Variants in VPS45 observed in about 807,000 individuals in gnomAD.
VPS45 encodes vacuolar protein sorting-associated protein 45.
Under a neutral mutation model 75.9 loss-of-function variants are expected in VPS45, and 35 were observed. The observed-to-expected ratio is 0.46, with a 90% CI of 0.35 to 0.61. VPS45 has a LOEUF of 0.61. Ranked by LOEUF, VPS45 falls within the 20% of genes least tolerant of loss-of-function variation. The pLI is 0.00. For synonymous variants in VPS45, 220 were observed against 238.2 expected, an observed-to-expected ratio of 0.92 and a Z score of 0.70; for missense variants, 559 against 685.9, an observed-to-expected ratio of 0.81 and a Z score of 2.07.
In VPS45 at chr1:150,093,627, GC is replaced by G; in HGVS notation, c.1476del (p.Ser493AlafsTer14). The G allele has an allele frequency of 1.2e-6, 2 of 1,612,658 alleles. No homozygotes were observed. The highest frequency in any genetic ancestry group is 1.1e-5 in the South Asian group (1 of 90,952). The stretch of plus-strand genomic sequence containing the variant: ...AAGGAAAACCTATATCCTTATTTAG[GC>G]CCCAGCACACTCAGAGACAGGTAAG... ...RLKENLYPYLGPSTLRDRPQD... is the reference protein window; with the variant it reads ...RLKENLYPYLXPSTLRDRPQD... On this transcript the variant is annotated frameshift_variant, in exon 13 of 15. Coordinates refer to ENST00000644510, the MANE Select transcript of VPS45 (RefSeq NM_007259.5). LOFTEE classifies it high-confidence loss of function.
At chr1:150,068,063 G>A (rs1654824838) in intron 1 of VPS45, 113 bp downstream of exon 1, 1 of 1,151,388 alleles carries the variant, frequency 8.7e-7, no homozygotes, top group Non-Finnish European at 1.2e-6. Flanking sequence ...ATGAGGGTCG[G>A]TTTGTGTGGA....
intron 13 of VPS45, among the ~76,000 whole-genome samples, chr1:150,097,216 G>T (rs1656710497): frequency 6.6e-6 from 1 of 151,286 alleles, no homozygotes; most frequent in Non-Finnish European, 1.5e-5. Context: ...CTCCTGAGTA[G>T]CTGGGATTAC....
At chr1:150,122,904 C>CAGG (rs1553809936) in intron 14 of VPS45, among the ~76,000 whole-genome samples, 1 of 146,158 alleles carries the variant, frequency 6.8e-6, no homozygotes, top group Non-Finnish European at 1.5e-5. Context: ...GGGGCTGAGG[C>CAGG]AGGAGAATTG....
At chr1:150,082,583 A>T in intron 9 of VPS45, 133 bp from the exon 10 acceptor site, 2 of 1,079,348 alleles carry the variant, frequency 1.9e-6, no homozygotes, top group Admixed American at 2.4e-5. Flanking sequence ...ACAAAATGCC[A>T]TGTGGCTGAA....
intron 14 of VPS45, among the ~76,000 whole-genome samples, chr1:150,139,656 T>C (rs1385338116): frequency 3.9e-5 from 6 of 152,156 alleles, no homozygotes; most frequent in African/African-American, 7.2e-5. Flanking sequence ...CATGCTCAAG[T>C]GATCTTTCCA....
intron 14 of VPS45, among the ~76,000 whole-genome samples, chr1:150,111,414 T>C (rs1484234518): frequency 6.6e-6 from 1 of 152,190 alleles, no homozygotes; most frequent in Non-Finnish European, 1.5e-5. Context: ...AAAGGATGAT[T>C]GAATGCCATC....
At chr1:150,144,249 G>A (rs56219570) in intron 14 of VPS45, among the ~76,000 whole-genome samples, 3,276 of 152,064 alleles carry the variant, frequency 0.022, 96 homozygotes, top group African/African-American at 0.074. Context: ...GCGCCTGCCT[G>A]TAATCTGCAT....
chr1:150,067,635 CA>C (rs1485096269), upstream of VPS45: 3 of 511,586 alleles, frequency 5.9e-6, no homozygotes, highest in African/African-American at 5.9e-5. Flanking sequence ...CCGCGCGTGG[CA>C]GCGGCCCAGG....
intron 14 of VPS45, among the ~76,000 whole-genome samples, chr1:150,129,929 G>C (rs910896908): frequency 6.7e-6 from 1 of 149,766 alleles, no homozygotes; most frequent in Non-Finnish European, 1.5e-5. Context: ...ATAGTTCACT[G>C]TAACCTCAAA....
chr1:150,067,605 A>T, upstream of VPS45: 1 of 485,336 alleles, frequency 2.1e-6, no homozygotes, highest in Middle Eastern at 5.4e-4. Flanking sequence ...TTCAGGCCGC[A>T]GGTGGGTGGA....
intron 14 of VPS45, among the ~76,000 whole-genome samples, chr1:150,129,813 A>G (rs1239903457): frequency 1.3e-5 from 2 of 150,110 alleles, no homozygotes; most frequent in Admixed American, 1.3e-4. Flanking sequence ...TCAGCCTCCC[A>G]AAGTCCTGGG....
intron 10 of VPS45, among the ~76,000 whole-genome samples, chr1:150,090,004 A>G (rs1212818317): frequency 3.3e-5 from 5 of 152,216 alleles, no homozygotes; most frequent in African/African-American, 9.6e-5. Flanking sequence ...CCCCATTATC[A>G]TCATAGTCCC....
chr1:150,069,472 T>TTTTA (rs1315276121), intron 2 of VPS45, among the ~76,000 whole-genome samples: 1 of 149,870 alleles, frequency 6.7e-6, no homozygotes, highest in Non-Finnish European at 1.5e-5. Context: ...TTTTTTTTTT[T>TTTTA]TTGAGATGGA....
intron 3 of VPS45, 34 bp downstream of exon 3, chr1:150,072,260 AC>A (rs1214982494): frequency 6.7e-7 from 1 of 1,489,968 alleles, no homozygotes; most frequent in Non-Finnish European, 9.3e-7. Flanking sequence ...CAAACATGTA[AC>A]AACATCCCAG....
intron 13 of VPS45, chr1:150,110,230 A>G (rs1022011495): frequency 3.1e-6 from 1 of 319,648 alleles, no homozygotes; most frequent in African/African-American, 2.1e-5. Context: ...TCCAGCAAAC[A>G]CTATTGTGCT....
intron 14 of VPS45, among the ~76,000 whole-genome samples, chr1:150,135,651 T>C (rs1659037893): frequency 6.6e-6 from 1 of 151,872 alleles, no homozygotes; most frequent in Non-Finnish European, 1.5e-5. Flanking sequence ...TTAGGACTCA[T>C]AATTCATTTG....
chr1:150,093,646 C>T lies in VPS45; in HGVS notation c.1491C>T (p.Asp497=), dbSNP rs782007834. The T allele has an allele frequency of 6.2e-7, 1 of 1,603,506 alleles. No homozygotes were observed. The highest frequency in any genetic ancestry group is 2.2e-5 in the East Asian group (1 of 44,770). Residue 497 remains aspartate, a splice_region_variant and synonymous_variant, in exon 13 of 15, where the codon GAC becomes GAT. Transcript: ENST00000644510. ...YPYLGPSTLR[D]RPQDIIVFVI... ...ATTTAGGCCCCAGCACACTCAGAGA[C>T]AGGTAAGCTAACAAAGATATTAATA...
At chr1:150,096,976 A>G (rs1159867636) in intron 13 of VPS45, among the ~76,000 whole-genome samples, 4 of 134,746 alleles carry the variant, frequency 3.0e-5, no homozygotes, top group Non-Finnish European at 6.3e-5. Context: ...TACCTAAACT[A>G]CAGTACAATA....
At chr1:150,088,768 C>T (rs1440126582) in intron 10 of VPS45, among the ~76,000 whole-genome samples, 6 of 151,994 alleles carry the variant, frequency 3.9e-5, no homozygotes, top group East Asian at 1.9e-4. Flanking sequence ...CCTGAGCCAC[C>T]GTGCCCGACC....
Sources: allele counts gnomAD v4.1 joint callset (sites outside exome capture counted in the v4.1 genomes callset), GRCh38; gene constraint gnomAD v4.1.1; transcripts MANE v1.5; gene names NCBI Gene and HGNC (gene_info 2026-07-23, HGNC 2026-07-21).